The following ZNRF1 variants were observed in gnomAD, a reference collection of about 807,000 sequenced individuals.
ZNRF1 encodes E3 ubiquitin-protein ligase ZNRF1.
ZNRF1 carries 3 observed loss-of-function variants against 18.4 expected under a neutral mutation model. That is an observed-to-expected ratio of 0.16 (90% CI 0.07 to 0.42). ZNRF1 has a LOEUF of 0.42. ZNRF1 is among the 10% of genes least tolerant of loss of function. The pLI is 0.99. For missense variants in ZNRF1, 310 were observed against 329.8 expected, an observed-to-expected ratio of 0.94 and a Z score of 0.47; for synonymous variants, 157 against 144.2, an observed-to-expected ratio of 1.09 and a Z score of -0.64.
intron 1 of ZNRF1, among the ~76,000 whole-genome samples, chr16:75,011,326 G>A (rs2034997112): frequency 6.6e-6 from 1 of 152,164 alleles, no homozygotes; most frequent in South Asian, 2.1e-4. Flanking sequence ...GATCTAAATG[G>A]TGTAACCATT....
chr16:75,047,639 TG>T (rs1805808723), intron 1 of ZNRF1, among the ~76,000 whole-genome samples: 2 of 132,774 alleles, frequency 1.5e-5, no homozygotes, highest in African/African-American at 5.7e-5. Context: ...TTGCTGAACT[TG>T]TGTTAGTTAT....
chr16:75,101,221 A>T (rs1271346770), intron 2 of ZNRF1, among the ~76,000 whole-genome samples: 1 of 152,250 alleles, frequency 6.6e-6, no homozygotes, highest in Non-Finnish European at 1.5e-5. Context: ...GGCATGAGCC[A>T]CTGCACCCAG....
chr16:75,105,061 G>A lies in ZNRF1; in HGVS notation c.626+172G>A, dbSNP rs572698468. 466 of 573,628 alleles carry A rather than the reference G, an allele frequency of 8.1e-4. No homozygotes were observed. In the African/African-American group the frequency reaches 8.2e-3, roughly 10 times the overall value. 35.5% of individuals were successfully genotyped at this position (573,628 alleles called of 1,614,324 possible). On this transcript the variant is annotated intron_variant, in intron 3 of 4. Transcript: ENST00000335325. Reference sequence around the variant, plus strand: ...AGGTGTCCACTGTGCCGGCGGGAAGGTGCGAGCATCCCAAGTGCAGAGCAG... The same window carrying A: ...AGGTGTCCACTGTGCCGGCGGGAAGATGCGAGCATCCCAAGTGCAGAGCAG...
intron 3 of ZNRF1, 165 bp from the exon 4 acceptor site, chr16:75,106,310 TCTTCGTG>T: frequency 1.5e-6 from 1 of 647,308 alleles, no homozygotes; most frequent in Admixed American, 2.5e-5. Flanking sequence ...TGTTCACCCT[TCTTCGTG>T]CTTCAGAAAG....
chr16:75,082,161 T>A, intron 1 of ZNRF1, among the ~76,000 whole-genome samples: 1 of 151,534 alleles, frequency 6.6e-6, no homozygotes. Context: ...GAATTACAAG[T>A]GTGAGCCACT....
At chr16:75,062,815 G>C (rs1354237633) in intron 1 of ZNRF1, among the ~76,000 whole-genome samples, 2 of 152,238 alleles carry the variant, frequency 1.3e-5, no homozygotes, top group Admixed American at 6.5e-5. Context: ...TGTGTGAATA[G>C]CAAGTACCCC....
At chr16:75,106,593 C>T in intron 4 of ZNRF1, 22 bp downstream of exon 4, 1 of 1,607,388 alleles carries the variant, frequency 6.2e-7, no homozygotes, top group Non-Finnish European at 8.5e-7. Context: ...TTTGGGGGTG[C>T]TCCGGGCTCA....
intron 2 of ZNRF1, chr16:75,095,892 C>A: frequency 1.3e-6 from 1 of 778,802 alleles, no homozygotes; most frequent in Non-Finnish European, 1.8e-6. Flanking sequence ...TCACCCAAGA[C>A]TACAGAAACC....
intron 1 of ZNRF1, among the ~76,000 whole-genome samples, chr16:75,020,100 C>G (rs1438996757): frequency 6.6e-6 from 1 of 152,116 alleles, no homozygotes; most frequent in Non-Finnish European, 1.5e-5. Flanking sequence ...ATAATTTTGT[C>G]AAACGTGTCT....
rs375586975 is a variant in ZNRF1 at position 75,106,452 on chromosome 16, G to A, written c.627-30G>A. Reference sequence around the variant, plus strand: ...CAAAGCAGCCTGGGCAGCAGGTAACGTGGTTTCCCTTGCGGCCCCCTCCTC... The same window carrying A: ...CAAAGCAGCCTGGGCAGCAGGTAACATGGTTTCCCTTGCGGCCCCCTCCTC... On this transcript the variant is annotated intron_variant, in intron 3 of 4. Coordinates refer to ENST00000335325, the MANE Select transcript of ZNRF1 (RefSeq NM_032268.5). 25 of 1,613,658 alleles carry A rather than the reference G, an allele frequency of 1.5e-5. No homozygotes were observed. The African/African-American group carries it at 2.4e-4, about 16-fold the overall frequency.
intron 2 of ZNRF1, chr16:75,095,503 T>A: frequency 1.5e-6 from 2 of 1,307,718 alleles, no homozygotes; most frequent in East Asian, 5.2e-5. Context: ...AAAACCCTAT[T>A]CACTTCTTTC....
At chr16:75,042,914 C>T (rs906317302) in intron 1 of ZNRF1, among the ~76,000 whole-genome samples, 7 of 152,140 alleles carry the variant, frequency 4.6e-5, no homozygotes, top group African/African-American at 1.4e-4. Context: ...AGCGTTCTTC[C>T]AGGTTTGGCA....
chr16:75,012,794 T>C (rs956449093), intron 1 of ZNRF1, among the ~76,000 whole-genome samples: 5 of 152,192 alleles, frequency 3.3e-5, no homozygotes, highest in African/African-American at 1.2e-4. Flanking sequence ...GGCTGAACGG[T>C]TATTAGAAAT....
intron 1 of ZNRF1, among the ~76,000 whole-genome samples, chr16:75,059,608 T>C (rs1350006686): frequency 1.3e-5 from 2 of 152,154 alleles, no homozygotes; most frequent in African/African-American, 2.4e-5. Context: ...GGAACCGGTT[T>C]TTCAGCCATC....
At chr16:75,000,445 C>T in intron 1 of ZNRF1, 1 of 446,160 alleles carries the variant, frequency 2.2e-6, no homozygotes, top group Non-Finnish European at 4.4e-6. Flanking sequence ...CACTGCAGCA[C>T]TGTGCCTGCC....
intron 1 of ZNRF1, among the ~76,000 whole-genome samples, chr16:75,052,090 C>T (rs777237443): frequency 1.2e-4 from 18 of 152,032 alleles, no homozygotes; most frequent in Non-Finnish European, 2.2e-4. Flanking sequence ...TCAGCAAAAC[C>T]CAAAACCCTA....
At chr16:75,060,473 C>CTTT (rs34182819) in intron 1 of ZNRF1, among the ~76,000 whole-genome samples, 32 of 70,240 alleles carry the variant, frequency 4.6e-4, no homozygotes, top group Non-Finnish European at 5.4e-4. Flanking sequence ...CTCAGAAAAT[C>CTTT]TTTTTTTTTT....
intron 1 of ZNRF1, among the ~76,000 whole-genome samples, chr16:75,065,413 T>A (rs558688266): frequency 6.6e-6 from 1 of 152,230 alleles, no homozygotes; most frequent in Non-Finnish European, 1.5e-5. Flanking sequence ...TCTGGCCGTT[T>A]GTTACTTACA....
intron 1 of ZNRF1, among the ~76,000 whole-genome samples, chr16:75,044,779 A>G (rs1012670113): frequency 6.6e-6 from 1 of 152,242 alleles, no homozygotes; most frequent in Non-Finnish European, 1.5e-5. Flanking sequence ...CCCTTGGAAA[A>G]GGGACTGCGT....
Sources: gnomAD v4.1 joint callset for allele counts (sites outside exome capture counted in the v4.1 genomes callset) on GRCh38, gnomAD v4.1.1 for gene constraint, MANE v1.5 for transcripts, NCBI Gene and HGNC (gene_info 2026-07-23, HGNC 2026-07-21) for gene names.